FAM177A1: variants seen among roughly 807,000 people sequenced by gnomAD.
FAM177A1 encodes the protein family with sequence similarity 177 member A1, also known as protein FAM177A1.
A neutral mutation model predicts 26.1 loss-of-function variants in FAM177A1; 22 were observed. The ratio of observed to expected loss-of-function variants is 0.84; its 90% confidence interval spans 0.60 to 1.20. FAM177A1 has a LOEUF of 1.20. Among genes scored for constraint, FAM177A1 ranks in the 50% most tolerant of loss-of-function variants. The probability of loss-of-function intolerance (pLI) is 0.00; values close to 1 mark genes in which losing one functional copy is unlikely to be tolerated. For synonymous variants in FAM177A1, 95 were observed against 99.3 expected (o/e 0.96, Z 0.26); for missense variants, 296 against 291.1 (o/e 1.02, Z -0.12).
intron 2 of FAM177A1, among the ~76,000 whole-genome samples, chr14:35,058,264 C>T (rs2045093631): frequency 1.3e-5 from 2 of 152,164 alleles, no homozygotes; most frequent in Admixed American, 6.6e-5. Context: ...CGGGGTTTCA[C>T]CATGTTGGCC....
intron 1 of FAM177A1, among the ~76,000 whole-genome samples, chr14:35,048,051 C>T (rs2044902003): frequency 6.6e-6 from 1 of 152,096 alleles, no homozygotes; most frequent in African/African-American, 2.4e-5. Flanking sequence ...ACAACTTTCC[C>T]ACATACCAAA....
chr14:35,063,159 CA>C (rs1247353359), intron 2 of FAM177A1, among the ~76,000 whole-genome samples: 9,188 of 57,910 alleles, frequency 0.16, 198 homozygotes, highest in Non-Finnish European at 0.19. Context: ...GACTCCATCT[CA>C]AAAAAAAAAA....
intron 1 of FAM177A1, among the ~76,000 whole-genome samples, chr14:35,047,369 T>C (rs80338392): frequency 0.26 from 39,143 of 152,156 alleles, 5,252 homozygotes; most frequent in East Asian, 0.37. Context: ...TTTACACGCA[T>C]AGCATATCGC....
intron 2 of FAM177A1, among the ~76,000 whole-genome samples, chr14:35,074,571 C>T (rs1037215111): frequency 2.0e-5 from 3 of 151,908 alleles, no homozygotes; most frequent in Non-Finnish European, 2.9e-5. Flanking sequence ...GGTGATCCAC[C>T]CGCCTCAGCC....
chr14:35,061,375 G>T (rs564619088), intron 2 of FAM177A1, among the ~76,000 whole-genome samples: 1 of 151,892 alleles, frequency 6.6e-6, no homozygotes, highest in Admixed American at 6.6e-5. Flanking sequence ...GGAGCTGGGG[G>T]TGGGGACAAT....
At chr14:35,070,320 G>A (rs757043867) in intron 2 of FAM177A1, among the ~76,000 whole-genome samples, 7 of 151,200 alleles carry the variant, frequency 4.6e-5, no homozygotes, top group East Asian at 2.0e-4. Context: ...CACCGTGTCC[G>A]GCCTATAACA....
In FAM177A1 at chr14:35,077,230, G is replaced by A. The variant is rs201438951; in HGVS notation, c.406+14G>A. On this transcript the variant is annotated intron_variant, in intron 3 of 4. Transcript: ENST00000280987. ...CAACTCTCTCAGGTATTGCTTTTCTGCTTGAATATTGTATAATTGCTGTAA... is the reference window on the plus strand; with the variant it reads ...CAACTCTCTCAGGTATTGCTTTTCTACTTGAATATTGTATAATTGCTGTAA... 2.6e-5 allele frequency: 42 copies of A among 1,611,110 alleles called. No individual in the cohort carries two copies. Among genetic ancestry groups the A allele is most frequent in the Non-Finnish European group, 3.5e-5 (41 of 1,177,746 alleles).
Position 35,081,390 on chromosome 14 carries a change from C to CTTTTGCTAGATAG in FAM177A1, c.*162_*163insTTTTGCTAGATAG. The CTTTTGCTAGATAG allele has an allele frequency of 1.5e-6, 1 of 678,624 alleles. No individual in the cohort carries two copies. The highest frequency in any genetic ancestry group is 2.3e-6 in the Non-Finnish European group (1 of 442,312). The allele number at this position is 678,624 out of a possible 1,614,324, so 42.0% of individuals were successfully genotyped here. On this transcript the variant is annotated 3_prime_UTR_variant, in exon 5 of 5. Coordinates refer to ENST00000280987, the MANE Select transcript of FAM177A1 (RefSeq NM_173607.5). ...TTCTTCATTTTTAGGATCTATCTAG[C>CTTTTGCTAGATAG]AAAAGCCAGATCTGAAATTCAGATA... is the stretch of plus-strand genomic sequence containing the variant.
intron 2 of FAM177A1, among the ~76,000 whole-genome samples, chr14:35,059,252 G>C (rs1312979505): frequency 6.6e-6 from 1 of 151,822 alleles, no homozygotes; most frequent in Non-Finnish European, 1.5e-5. Flanking sequence ...AGTTTGTTTT[G>C]TATATCTTCT....
chr14:35,045,577 G>GC (rs1470318110), upstream of FAM177A1, among the ~76,000 whole-genome samples: 2 of 152,112 alleles, frequency 1.3e-5, no homozygotes, highest in Admixed American at 1.3e-4. Flanking sequence ...TTTTGGTTTT[G>GC]CCCCCTACAT....
At chr14:35,047,903 C>T (rs61066015) in intron 1 of FAM177A1, among the ~76,000 whole-genome samples, 2,547 of 152,258 alleles carry the variant, frequency 0.017, 68 homozygotes, top group African/African-American at 0.058. Context: ...ACATTTCCCC[C>T]AAACTGTGAG....
At chr14:35,052,891 C>T (rs2044996826) in intron 1 of FAM177A1, among the ~76,000 whole-genome samples, 1 of 152,128 alleles carries the variant, frequency 6.6e-6, no homozygotes, top group Admixed American at 6.6e-5. Flanking sequence ...TACTGCTCTC[C>T]AGCCTAGGCA....
chr14:35,074,469 G>A (rs2045365696), intron 2 of FAM177A1, among the ~76,000 whole-genome samples: 1 of 151,966 alleles, frequency 6.6e-6, no homozygotes, highest in African/African-American at 2.4e-5. Context: ...GGGATTACAG[G>A]TGCACGCCAC....
chr14:35,055,687 G>A (rs912845331), intron 2 of FAM177A1, among the ~76,000 whole-genome samples: 7 of 151,982 alleles, frequency 4.6e-5, no homozygotes, highest in African/African-American at 1.2e-4. Flanking sequence ...CAAAGTGCTG[G>A]GATTACAGGC....
intron 1 of FAM177A1, 22 bp from the exon 2 acceptor site, chr14:35,053,256 T>C: frequency 6.3e-7 from 1 of 1,580,502 alleles, no homozygotes; most frequent in Admixed American, 2.0e-5. Context: ...AAACTCATTT[T>C]CTTAAAATAT....
intron 1 of FAM177A1, chr14:35,050,450 T>A (rs2044946906): frequency 6.6e-6 from 1 of 151,976 alleles, no homozygotes; most frequent in Non-Finnish European, 1.5e-5. Flanking sequence ...CTGTTAGTGC[T>A]TCCTTCATTG....
chr14:35,075,982 A>G (rs1396788142), intron 2 of FAM177A1, among the ~76,000 whole-genome samples: 2 of 152,238 alleles, frequency 1.3e-5, no homozygotes, highest in East Asian at 3.8e-4. Context: ...GAACACTTTT[A>G]TACTGTTGGT....
chr14:35,067,667 C>T (rs1175020405), intron 2 of FAM177A1, among the ~76,000 whole-genome samples: 1 of 152,196 alleles, frequency 6.6e-6, no homozygotes, highest in Non-Finnish European at 1.5e-5. Context: ...GTTCCCTTTT[C>T]TCTACATCCT....
chr14:35,075,051 A>T (rs1429589013), intron 2 of FAM177A1, among the ~76,000 whole-genome samples: 1 of 152,144 alleles, frequency 6.6e-6, no homozygotes, highest in Non-Finnish European at 1.5e-5. Context: ...AAAACTCCAG[A>T]AAACAATTAT....
Sources: allele counts gnomAD v4.1 joint callset (sites outside exome capture counted in the v4.1 genomes callset), GRCh38; gene constraint gnomAD v4.1.1; transcripts MANE v1.5; gene names NCBI Gene and HGNC (gene_info 2026-07-23, HGNC 2026-07-21).